The following PTPRN2 variants were observed in gnomAD, a reference collection of about 807,000 sequenced individuals.
PTPRN2 encodes receptor-type tyrosine-protein phosphatase N2.
Under a neutral mutation model 118.8 loss-of-function variants are expected in PTPRN2, and 74 were observed. The observed-to-expected ratio is 0.62, with a 90% confidence interval of 0.52 to 0.76. PTPRN2 has a LOEUF of 0.76. Ranked by LOEUF, PTPRN2 falls within the 30% of genes least tolerant of loss-of-function variation. The pLI, the probability that PTPRN2 is intolerant of heterozygous loss-of-function variation, is 0.00. For synonymous variants in PTPRN2, 641 were observed against 608.0 expected, an observed-to-expected ratio of 1.05 and a Z score of -0.80; for missense variants, 1,481 against 1,394.4, an observed-to-expected ratio of 1.06 and a Z score of -0.99.
At chr7:158,132,908 T>G (rs2335851) in intron 9 of PTPRN2, among the ~76,000 whole-genome samples, 102,484 of 152,116 alleles carry the variant, frequency 0.67, 35,499 homozygotes, top group African/African-American at 0.83. Flanking sequence ...TGTGTGTACA[T>G]CCAGGCAGAC....
At chr7:157,727,462 C>T (rs1212826658) in intron 12 of PTPRN2, among the ~76,000 whole-genome samples, 2 of 152,096 alleles carry the variant, frequency 1.3e-5, no homozygotes, top group Non-Finnish European at 2.9e-5. Flanking sequence ...TGTGTGATTC[C>T]ACTTGTGTGA....
rs1393698723 is a variant in PTPRN2, at chr7:158,226,416, C to G, written c.278-21143G>C. On this transcript the variant is annotated intron_variant, in intron 3 of 22. Coordinates refer to ENST00000389418, the MANE Select transcript of PTPRN2 (RefSeq NM_002847.5). ...CAAAGAAGGAAGGCTGGGAACACAC[C>G]AGGTTTGTGGGTGGGGACGACGTTT... Among the ~76,000 whole-genome samples the G allele has an allele frequency of 2.0e-5, 3 of 152,240 alleles. No individual in the cohort carries two copies. In the East Asian group the frequency reaches 5.8e-4, roughly 29 times the overall value.
At chr7:158,504,281 G>A (rs1425139432) in intron 1 of PTPRN2, among the ~76,000 whole-genome samples, 2 of 152,046 alleles carry the variant, frequency 1.3e-5, no homozygotes, top group African/African-American at 4.8e-5. Context: ...GTGGTTTCCT[G>A]CACAGAGCAT....
chr7:157,845,824 C>T lies in PTPRN2; in HGVS notation c.1788+52849G>A, dbSNP rs979802985. 1.1e-4 allele frequency among the ~76,000 whole-genome samples: 16 copies of T among 152,142 alleles called. No individual in the cohort carries two copies. The highest frequency in any genetic ancestry group is 3.4e-4 in the African/African-American group (14 of 41,486). ...AGCAACGTGGGGCCATGGGGAGGGA[C>T]GGAAGACAGAAGTGGATCCCGGCTC... On this transcript the variant is annotated intron_variant, in intron 12 of 22. Coordinates refer to ENST00000389418, the MANE Select transcript of PTPRN2 (RefSeq NM_002847.5). This position sits in a 1 kb window ranked among gnomAD's most constrained non-coding sequence, Gnocchi z 4.5.
chr7:158,485,746 G>A (rs891374239), intron 2 of PTPRN2, among the ~76,000 whole-genome samples: 1 of 152,090 alleles, frequency 6.6e-6, no homozygotes, highest in Non-Finnish European at 1.5e-5. Flanking sequence ...ATGCTCACGT[G>A]AAAAACTGGA....
intron 3 of PTPRN2, among the ~76,000 whole-genome samples, chr7:158,246,418 G>A (rs1389747440): frequency 1.3e-5 from 2 of 151,130 alleles, no homozygotes; most frequent in African/African-American, 4.9e-5. Flanking sequence ...GGAAGAAGAC[G>A]GCTCTCACTG....
At chr7:158,383,396 G>A (rs1586530365) in intron 2 of PTPRN2, among the ~76,000 whole-genome samples, 1 of 152,124 alleles carries the variant, frequency 6.6e-6, no homozygotes, top group African/African-American at 2.4e-5. Flanking sequence ...AACAAAATGG[G>A]AAATAGCATG....
chr7:158,234,202 A>G (rs1205443662), intron 3 of PTPRN2, among the ~76,000 whole-genome samples: 1 of 152,130 alleles, frequency 6.6e-6, no homozygotes, highest in Non-Finnish European at 1.5e-5. Context: ...TGGAGAAAAT[A>G]TATGTAAACG....
At chr7:157,709,336 A>G (rs1186173804) in intron 12 of PTPRN2, among the ~76,000 whole-genome samples, 1 of 152,230 alleles carries the variant, frequency 6.6e-6, no homozygotes, top group Non-Finnish European at 1.5e-5. Flanking sequence ...ATTTCCAAGA[A>G]AATGACAAAG....
chr7:158,252,966 T>A (rs1332747374), intron 3 of PTPRN2, among the ~76,000 whole-genome samples: 6 of 152,160 alleles, frequency 3.9e-5, no homozygotes, highest in Non-Finnish European at 5.9e-5. Context: ...AGAGTCCCTG[T>A]GGCCCGAGGT....
intron 13 of PTPRN2, among the ~76,000 whole-genome samples, chr7:157,667,729 C>T (rs1183228717): frequency 1.3e-5 from 2 of 152,284 alleles, no homozygotes; most frequent in Admixed American, 1.3e-4. Flanking sequence ...ATGCTAGTGC[C>T]TCACGACCTA....
rs1396410681 is a variant in PTPRN2, at chr7:158,135,464, A to G, written c.1173+1191T>C. 4.2e-5 allele frequency among the ~76,000 whole-genome samples: 6 copies of G among 142,324 alleles called. No homozygotes were observed. In the East Asian group the frequency reaches 1.1e-3, roughly 26 times the overall value. 93.4% of individuals were successfully genotyped at this position (142,324 alleles called of 152,430 possible). ...GAAAAAGAAAGATGTTTTTAAATAA[A>G]TAAGAAGTCAGAAAATACAACACTC... On this transcript the variant is annotated intron_variant, in intron 8 of 22. Coordinates refer to ENST00000389418, the MANE Select transcript of PTPRN2 (RefSeq NM_002847.5).
rs780088823 is a variant in PTPRN2 at position 157,578,096 on chromosome 7, G to C, written c.2541C>G (p.Pro847=). 1.2e-6 allele frequency: 2 copies of C among 1,613,510 alleles called. No individual in the cohort carries two copies. The highest frequency in any genetic ancestry group is 2.2e-5 in the East Asian group (1 of 44,866). ...SGCVVIVMLT[P]LAENGVRQCY... is the part of the protein sequence containing the mutation. ...ACTGCCGGACGCCGTTCTCCGCGAG[G>C]GGTGTCAGCATGACGATCACCACGC... The change falls in exon 18 of 23, where the codon CCC becomes CCG. Residue 847 remains proline (P), a synonymous_variant. Transcript: ENST00000389418.
chr7:158,540,900 G>A (rs1224468309), intron 1 of PTPRN2, among the ~76,000 whole-genome samples: 6 of 152,220 alleles, frequency 3.9e-5, no homozygotes, highest in Admixed American at 6.5e-5. Flanking sequence ...CGTGTGCCAC[G>A]TGTCCAGTAT....
chr7:158,320,541 CGCGTCCTCG>C (rs1563134661), intron 2 of PTPRN2, among the ~76,000 whole-genome samples: 12 of 57,520 alleles, frequency 2.1e-4, no homozygotes, highest in Non-Finnish European at 2.8e-4. Context: ...TCCGTGTTCC[CGCGTCCTCG>C]GCAGCGCCGG....
chr7:157,844,186 C>T (rs923129362), intron 12 of PTPRN2, among the ~76,000 whole-genome samples: 1 of 152,216 alleles, frequency 6.6e-6, no homozygotes, highest in East Asian at 1.9e-4. Context: ...GTGCAAGCCC[C>T]ACACACAGGA....
intron 3 of PTPRN2, among the ~76,000 whole-genome samples, chr7:158,282,393 T>C (rs1056718341): frequency 6.6e-6 from 1 of 152,234 alleles, no homozygotes; most frequent in African/African-American, 2.4e-5. Context: ...CCAGTGAATG[T>C]AGAAGTACTG....
At chr7:157,571,086 A>G (rs1207440255) in intron 20 of PTPRN2, among the ~76,000 whole-genome samples, 1 of 152,096 alleles carries the variant, frequency 6.6e-6, no homozygotes, top group Non-Finnish European at 1.5e-5. Flanking sequence ...TCTACTAAAA[A>G]TACAAAAAAA....
chr7:158,092,903 TG>T (rs1814309581), intron 10 of PTPRN2, among the ~76,000 whole-genome samples: 1 of 152,182 alleles, frequency 6.6e-6, no homozygotes, highest in Non-Finnish European at 1.5e-5. Flanking sequence ...CACGCTGCTG[TG>T]GTGCTCGGTA....
Sources: gnomAD v4.1 joint callset for allele counts (sites outside exome capture counted in the v4.1 genomes callset) on GRCh38, gnomAD v4.1.1 for gene constraint, Gnocchi (gnomAD v3.1) non-coding constraint, MANE v1.5 for transcripts, NCBI Gene and HGNC (gene_info 2026-07-23, HGNC 2026-07-21) for gene names.